The following CHMP2B variants were observed in gnomAD, a reference collection of about 807,000 sequenced individuals.
The protein encoded by CHMP2B is VPS2 homolog B.
A neutral mutation model predicts 29.8 loss-of-function variants in CHMP2B; 22 were observed. The observed-to-expected ratio is 0.74, with a 90% CI of 0.53 to 1.05. The LOEUF (loss-of-function observed/expected upper bound fraction) is 1.05, where lower values mean the gene tolerates loss of function less well. CHMP2B is among the 50% of genes least tolerant of loss of function. CHMP2B has a pLI of 0.00. For missense variants in CHMP2B, 261 were observed against 252.2 expected (o/e 1.03, Z -0.24); for synonymous variants, 78 against 75.8 (o/e 1.03, Z -0.15).
intron 1 of CHMP2B, 86 bp from the exon 2 acceptor site, chr3:87,240,612 TA>T: frequency 1.0e-6 from 1 of 978,198 alleles, no homozygotes; most frequent in Non-Finnish European, 1.6e-6. Context: ...AAGATTTTTT[TA>T]AATCATGATC....
Position 87,245,888 on chromosome 3 carries a change from G to A in CHMP2B, c.301G>A (p.Ala101Thr), listed in dbSNP as rs1553672852. The A allele has an allele frequency of 1.2e-6, 2 of 1,612,806 alleles. No individual in the cohort carries two copies. The highest frequency in any genetic ancestry group is 1.7e-6 in the Non-Finnish European group (2 of 1,179,376). Residue 101 changes from alanine to threonine, a missense_variant, in exon 3 of 6, where the codon GCA (alanine) becomes ACA (threonine). Coordinates refer to ENST00000263780, the MANE Select transcript of CHMP2B (RefSeq NM_014043.4). ...VMNSQMKMAGAMSTTAKTMQA... is the reference protein window; with the variant it reads ...VMNSQMKMAGTMSTTAKTMQA... Reference sequence around the variant, plus strand: ...GAATTCCCAAATGAAGATGGCTGGAGCAATGTCTACTACAGCAAAAGTAAG... The same window carrying A: ...GAATTCCCAAATGAAGATGGCTGGAACAATGTCTACTACAGCAAAAGTAAG...
intron 1 of CHMP2B, among the ~76,000 whole-genome samples, chr3:87,229,989 A>G (rs564525011): frequency 6.6e-6 from 1 of 152,192 alleles, no homozygotes; most frequent in East Asian, 1.9e-4. Flanking sequence ...CCTCAAGAGA[A>G]GGGAAGGATT....
rs1705828349 is a variant in CHMP2B, at chr3:87,227,427, C to T, written c.-96C>T. ...TCCTGCTGTCTCTCCGCTCCGCCACCCCGAACCCGCCAAGGTCCTGTCCTT... is the reference window on the plus strand; with the variant it reads ...TCCTGCTGTCTCTCCGCTCCGCCACTCCGAACCCGCCAAGGTCCTGTCCTT... On this transcript the variant is annotated 5_prime_UTR_variant, in exon 1 of 6. Transcript: ENST00000263780. 2 of 1,493,268 alleles carry T rather than the reference C, an allele frequency of 1.3e-6. No homozygotes were observed. Among genetic ancestry groups the T allele is most frequent in the South Asian group, 2.3e-5 (2 of 88,424 alleles). The allele number at this position is 1,493,268 out of a possible 1,614,324, so 92.5% of individuals were successfully genotyped here. A position where few individuals can be genotyped will look rare whatever the true frequency, so the allele number is the denominator to read the frequency against.
intron 1 of CHMP2B, among the ~76,000 whole-genome samples, chr3:87,234,635 T>TTACAGTGTGAAGTTTTCTA (rs1705965838): frequency 6.6e-6 from 1 of 152,202 alleles, no homozygotes; most frequent in Non-Finnish European, 1.5e-5. Flanking sequence ...TTTGGCATTT[T>TTACAGTGTGAAGTTTTCTA]TACAGTGTGA....
intron 1 of CHMP2B, among the ~76,000 whole-genome samples, chr3:87,236,311 A>AACAAAAGACATTCCTATCATTC (rs1447912931): frequency 2.0e-5 from 3 of 152,162 alleles, no homozygotes; most frequent in African/African-American, 7.2e-5. Context: ...TGTTGTGAAT[A>AACAAAAGACATTCCTATCATTC]ACAAAAGACA....
Position 87,239,882 on chromosome 3 carries a change from A to G in CHMP2B, c.35-817A>G, listed in dbSNP as rs985041333. ...GAGTATTAACTAACTCTTCCAAGGTATAATCATGATGATCAAGTGGCTGAG... is the reference window on the plus strand; with the variant it reads ...GAGTATTAACTAACTCTTCCAAGGTGTAATCATGATGATCAAGTGGCTGAG... On this transcript the variant is annotated intron_variant, in intron 1 of 5. Transcript: ENST00000263780. Among the ~76,000 whole-genome samples, 25 of 152,176 alleles carry G rather than the reference A, an allele frequency of 1.6e-4. 1 individual carries two copies. The highest frequency in any genetic ancestry group is 5.8e-4 in the African/African-American group (24 of 41,442).
Position 87,253,737 on chromosome 3 carries a change from G to T in CHMP2B, c.557G>T (p.Arg186Leu), listed in dbSNP as rs747423794. 1.1e-5 allele frequency: 17 copies of T among 1,612,244 alleles called. No individual in the cohort carries two copies. The Admixed American group carries it at 2.8e-4, about 27-fold the overall frequency. ...GKMAKAPSAA[R>L]SLPSASTSKA... The stretch of plus-strand genomic sequence containing the variant: ...ATGGCCAAAGCTCCATCAGCTGCTC[G>T]AAGCTTACCATCTGCCTCTACTTCA... The change falls in exon 6 of 6, where the codon CGA becomes CTA. Residue 186 changes from arginine to leucine, a missense_variant. Coordinates refer to ENST00000263780, the MANE Select transcript of CHMP2B (RefSeq NM_014043.4).
chr3:87,250,613 A>G (rs898362741), intron 4 of CHMP2B, among the ~76,000 whole-genome samples: 1 of 152,012 alleles, frequency 6.6e-6, no homozygotes, highest in Non-Finnish European at 1.5e-5. Flanking sequence ...GCAGATACTC[A>G]TGACCTTGAC....
At chr3:87,232,861 C>T (rs563215130) in intron 1 of CHMP2B, among the ~76,000 whole-genome samples, 2 of 152,292 alleles carry the variant, frequency 1.3e-5, no homozygotes, top group East Asian at 3.9e-4. Flanking sequence ...CAAAAGTCTA[C>T]TGACATGTGC....
chr3:87,238,068 C>T (rs780758637), intron 1 of CHMP2B, among the ~76,000 whole-genome samples: 1 of 152,150 alleles, frequency 6.6e-6, no homozygotes, highest in Admixed American at 6.5e-5. Flanking sequence ...GGAGCTTTGA[C>T]ATCTTATTTT....
chr3:87,232,425 A>G (rs185499837), intron 1 of CHMP2B, among the ~76,000 whole-genome samples: 138 of 152,260 alleles, frequency 9.1e-4, no homozygotes, highest in African/African-American at 3.2e-3. Flanking sequence ...CCAGGATGCT[A>G]TGTGTTCCTT....
intron 5 of CHMP2B, 21 bp downstream of exon 5, chr3:87,253,531 T>A: frequency 6.7e-7 from 1 of 1,484,062 alleles, no homozygotes; most frequent in Middle Eastern, 1.7e-4. Flanking sequence ...CATCTTTTCT[T>A]AGTTGGAAAT....
chr3:87,227,570 C>G lies in CHMP2B; in HGVS notation c.34+14C>G, dbSNP rs754459872. ...AAACCGTGGATGGTGAGTTCCAGGC[C>G]GGGCTGAAGGGGCCCAGCTCTGCGT... On this transcript the variant is annotated intron_variant, in intron 1 of 5. Coordinates refer to ENST00000263780, the MANE Select transcript of CHMP2B (RefSeq NM_014043.4). 8.1e-6 allele frequency: 13 copies of G among 1,614,014 alleles called. No individual in the cohort carries two copies. In the Admixed American group the frequency reaches 8.3e-5, roughly 10 times the overall value.
chr3:87,250,795 C>A (rs958453296), intron 4 of CHMP2B, among the ~76,000 whole-genome samples: 6 of 151,768 alleles, frequency 4.0e-5, no homozygotes, highest in African/African-American at 1.4e-4. Flanking sequence ...GACTGAATTT[C>A]TTAAATCTCC....
intron 1 of CHMP2B, among the ~76,000 whole-genome samples, chr3:87,239,044 G>A (rs961255771): frequency 1.3e-5 from 2 of 152,106 alleles, no homozygotes; most frequent in African/African-American, 4.8e-5. Context: ...CACTTTTTAT[G>A]TGTTCATTGG....
In CHMP2B at chr3:87,253,798, A is replaced by C. The variant is rs63751126; in HGVS notation, c.618A>C (p.Gln206His). 6.2e-6 allele frequency: 10 copies of C among 1,612,158 alleles called. No individual in the cohort carries two copies. The highest frequency in any genetic ancestry group is 6.8e-6 in the Non-Finnish European group (8 of 1,178,522). Reference protein sequence around the residue: ...ATISDEEIERQLKALGVD With the variant: ...ATISDEEIERHLKALGVD ...TCTCAGATGAAGAGATTGAACGGCAACTCAAGGCTTTAGGAGTAGATTAGT... is the reference window on the plus strand; with the variant it reads ...TCTCAGATGAAGAGATTGAACGGCACCTCAAGGCTTTAGGAGTAGATTAGT... Residue 206 changes from glutamine (Q) to histidine (H), a missense_variant, in exon 6 of 6, where the codon CAA becomes CAC. By Grantham distance (24) the Gln-to-His change is conservative. Coordinates refer to ENST00000263780, the MANE Select transcript of CHMP2B (RefSeq NM_014043.4).
chr3:87,235,691 A>G (rs904234867), intron 1 of CHMP2B, among the ~76,000 whole-genome samples: 1 of 152,204 alleles, frequency 6.6e-6, no homozygotes, highest in African/African-American at 2.4e-5. Flanking sequence ...AAAGATGGCT[A>G]TATCTAGCCT....
intron 4 of CHMP2B, among the ~76,000 whole-genome samples, chr3:87,252,667 C>T (rs998149232): frequency 2.0e-5 from 3 of 151,760 alleles, no homozygotes; most frequent in Admixed American, 6.6e-5. Flanking sequence ...GTCAACTACC[C>T]GAGGTCTTTG....
intron 1 of CHMP2B, among the ~76,000 whole-genome samples, chr3:87,229,374 C>A (rs1321591306): frequency 6.6e-6 from 1 of 152,050 alleles, no homozygotes; most frequent in South Asian, 2.1e-4. Flanking sequence ...CTAAATTAAC[C>A]ATATGTGCAA....
Sources: gnomAD v4.1 joint callset for allele counts (sites outside exome capture counted in the v4.1 genomes callset) on GRCh38, gnomAD v4.1.1 for gene constraint, MANE v1.5 for transcripts, NCBI Gene and HGNC (gene_info 2026-07-23, HGNC 2026-07-21) for gene names.